The following TFDP1 variants were observed in gnomAD, a reference collection of about 807,000 sequenced individuals.
TFDP1 encodes the protein transcription factor Dp-1.
TFDP1 carries 6 observed loss-of-function variants against 48.0 expected under a neutral mutation model. The ratio of observed to expected loss-of-function variants is 0.13; its 90% CI spans 0.07 to 0.25. TFDP1 has a LOEUF of 0.25. Ranked by LOEUF, TFDP1 falls within the 10% of genes least tolerant of loss-of-function variation. TFDP1 has a pLI of 1.00. For synonymous variants in TFDP1, 201 were observed against 211.6 expected (o/e 0.95, Z 0.44); for missense variants, 335 against 543.0 (o/e 0.62, Z 3.81).
intron 2 of TFDP1, among the ~76,000 whole-genome samples, chr13:113,600,655 G>A (rs151279153): frequency 4.3e-5 from 6 of 140,378 alleles, no homozygotes; most frequent in Non-Finnish European, 7.6e-5. Context: ...ACCCTTACAC[G>A]TAGAGCTCCA....
chr13:113,600,849 G>A (rs551586030), intron 2 of TFDP1, among the ~76,000 whole-genome samples: 8 of 141,602 alleles, frequency 5.6e-5, no homozygotes, highest in African/African-American at 2.9e-5. Context: ...AGAACTCCAG[G>A]ACCGTGATAG....
rs952779652 is a variant in TFDP1, at chr13:113,627,543, G to A, written c.187-4080G>A. On this transcript the variant is annotated intron_variant, in intron 4 of 11. Transcript: ENST00000375370. The surrounding 1 kb of genome is among the most constrained non-coding windows in gnomAD (Gnocchi z 4.1). ...GTGTCTGAGTGGGGTCACACTACAC[G>A]GAGACATCGTAATCTCAGTTTTTAG... Among the ~76,000 whole-genome samples the A allele has an allele frequency of 6.6e-5, 10 of 152,302 alleles. No homozygotes were observed. In the South Asian group the frequency reaches 1.4e-3, roughly 22 times the overall value.
chr13:113,601,228 C>T (rs544749685), intron 2 of TFDP1, among the ~76,000 whole-genome samples: 2 of 148,640 alleles, frequency 1.3e-5, no homozygotes, highest in African/African-American at 2.5e-5. Flanking sequence ...CAGCGTCTGT[C>T]ACCTCCTAGT....
At chr13:113,626,698 CG>C (rs548899881) in intron 4 of TFDP1, among the ~76,000 whole-genome samples, 123 of 152,328 alleles carry the variant, frequency 8.1e-4, no homozygotes, top group African/African-American at 2.9e-3. Flanking sequence ...CCACGTCATA[CG>C]GCTTTTCAAC....
At position 113,634,341 on chromosome 13, in the gene TFDP1, G is replaced by A. The variant is rs186389972; in HGVS notation, c.619-193G>A. ...CAAGAAATGAGAGGAAAGGGGAGAA[G>A]GTATAGTTTAGAAATGGAAAAAAAA... is the stretch of plus-strand genomic sequence containing the variant. On this transcript the variant is annotated intron_variant, in intron 7 of 11. Coordinates refer to ENST00000375370, the MANE Select transcript of TFDP1 (RefSeq NM_007111.5). 1.0e-3 allele frequency: 648 copies of A among 635,602 alleles called. 10 individuals carry two copies. The East Asian group carries it at 0.018, about 17-fold the overall frequency. 39.4% of individuals were successfully genotyped at this position (635,602 alleles called of 1,614,324 possible). A position where few individuals can be genotyped will look rare whatever the true frequency, so the allele number is the denominator to read the frequency against.
At chr13:113,591,819 G>A (rs776375381) in intron 2 of TFDP1, among the ~76,000 whole-genome samples, 2 of 152,206 alleles carry the variant, frequency 1.3e-5, no homozygotes, top group Non-Finnish European at 1.5e-5. Context: ...AGATGTCAGC[G>A]TTGGCTGAAT....
At chr13:113,617,624 C>A in intron 3 of TFDP1, among the ~76,000 whole-genome samples, 1 of 133,952 alleles carries the variant, frequency 7.5e-6, no homozygotes, top group East Asian at 2.0e-4. Flanking sequence ...ACCTGCAGAG[C>A]CGCTCACCTG....
intron 2 of TFDP1, among the ~76,000 whole-genome samples, chr13:113,594,067 C>T (rs542125555): frequency 1.4e-4 from 18 of 128,248 alleles, no homozygotes; most frequent in Admixed American, 3.2e-4. Context: ...GTGGTGTACA[C>T]GGGTCCTCAG....
intron 2 of TFDP1, among the ~76,000 whole-genome samples, chr13:113,595,460 CAT>C (rs1022715374): frequency 3.2e-4 from 48 of 152,200 alleles, no homozygotes; most frequent in Non-Finnish European, 4.1e-4. Flanking sequence ...GAGTCTGAGA[CAT>C]GTGGATCTGT....
At chr13:113,605,257 G>A (rs1384370063) in intron 2 of TFDP1, among the ~76,000 whole-genome samples, 8 of 152,086 alleles carry the variant, frequency 5.3e-5, no homozygotes, top group South Asian at 2.1e-4. Flanking sequence ...GTGGGATCTC[G>A]TTTTTCAGGT....
chr13:113,631,833 C>T (rs549077860), intron 5 of TFDP1, 89 bp downstream of exon 5: 254 of 1,539,016 alleles, frequency 1.7e-4, no homozygotes, highest in African/African-American at 1.6e-3. Flanking sequence ...GTCACACAGT[C>T]GTGCGATGGG....
chr13:113,594,718 G>C (rs2048244984), intron 2 of TFDP1, among the ~76,000 whole-genome samples: 1 of 152,238 alleles, frequency 6.6e-6, no homozygotes, highest in African/African-American at 2.4e-5. Flanking sequence ...GCGTGTGCTG[G>C]TTGCTGCACC....
chr13:113,585,635 G>T, intron 1 of TFDP1, 139 bp from the exon 2 acceptor site: 1 of 527,290 alleles, frequency 1.9e-6, no homozygotes, highest in Non-Finnish European at 3.4e-6. Flanking sequence ...AGTCGGTTTG[G>T]CCAGCTCCGC....
At chr13:113,616,764 C>T (rs1050730046) in intron 3 of TFDP1, among the ~76,000 whole-genome samples, 3 of 152,154 alleles carry the variant, frequency 2.0e-5, no homozygotes, top group African/African-American at 7.2e-5. Flanking sequence ...TGCCCCCCGA[C>T]ACACGCACTG....
At chr13:113,608,369 C>T (rs1311345124) in intron 2 of TFDP1, among the ~76,000 whole-genome samples, 3 of 152,236 alleles carry the variant, frequency 2.0e-5, no homozygotes, top group Non-Finnish European at 4.4e-5. Context: ...ACCACGGTTG[C>T]CACAGGCTGG....
In TFDP1 at chr13:113,623,066, T is replaced by C; in HGVS notation, c.80-114T>C. On this transcript the variant is annotated intron_variant, in intron 3 of 11. Transcript: ENST00000375370. This position sits in a 1 kb window ranked among gnomAD's most constrained non-coding sequence, Gnocchi z 5.2. The stretch of plus-strand genomic sequence containing the variant: ...AGCCCTGGATTTGAGACAGTACACG[T>C]GGGGAAAGCTAAGCATCTCTAATTG... The C allele has an allele frequency of 1.2e-6, 1 of 866,358 alleles. No individual in the cohort carries two copies. Among genetic ancestry groups the C allele is most frequent in the Non-Finnish European group, 1.8e-6 (1 of 547,674 alleles). 53.7% of individuals were successfully genotyped at this position (866,358 alleles called of 1,614,324 possible).
intron 4 of TFDP1, among the ~76,000 whole-genome samples, chr13:113,625,688 C>T (rs1331671773): frequency 7.6e-6 from 1 of 131,560 alleles, no homozygotes; most frequent in African/African-American, 3.2e-5. Flanking sequence ...TCTCACGTGT[C>T]CTCAGGTGTC....
At position 113,627,846 on chromosome 13, in the gene TFDP1, A is replaced by G. The variant is rs2049224345; in HGVS notation, c.187-3777A>G. Among the ~76,000 whole-genome samples, 2 of 152,064 alleles carry G rather than the reference A, an allele frequency of 1.3e-5. No homozygotes were observed. The highest frequency in any genetic ancestry group is 4.1e-4 in the South Asian group (2 of 4,820). ...TACCCCCGACTCCGGTCTGTGGAAA[A>G]ACTGTCTTCCACAAAACTGGTCCCT... On this transcript the variant is annotated intron_variant, in intron 4 of 11. Transcript: ENST00000375370. This position sits in a 1 kb window ranked among gnomAD's most constrained non-coding sequence, Gnocchi z 4.1.
At chr13:113,622,983 C>A (rs534458807) in intron 3 of TFDP1, among the ~76,000 whole-genome samples, 197 bp from the exon 4 acceptor site, 5 of 152,386 alleles carry the variant, frequency 3.3e-5, no homozygotes, top group South Asian at 4.1e-4. Context: ...CGCGGCCCTG[C>A]GGCCCTCCCC....
Sources: allele counts gnomAD v4.1 joint callset (sites outside exome capture counted in the v4.1 genomes callset), GRCh38; gene constraint gnomAD v4.1.1; non-coding constraint Gnocchi (gnomAD v3.1); transcripts MANE v1.5; gene names NCBI Gene and HGNC (gene_info 2026-07-23, HGNC 2026-07-21).